The following PPP1R12B variants were observed in gnomAD, a reference collection of about 807,000 sequenced individuals.
PPP1R12B encodes myosin phosphatase target subunit 2.
Under a neutral mutation model 126.1 loss-of-function variants are expected in PPP1R12B, and 76 were observed. The observed-to-expected ratio is 0.60, with a 90% CI of 0.50 to 0.73. PPP1R12B has a LOEUF of 0.73. Among genes scored for constraint, PPP1R12B ranks in the 30% least tolerant of loss-of-function variants. The probability of loss-of-function intolerance (pLI) is 0.00; values close to 1 mark genes in which losing one functional copy is unlikely to be tolerated. For synonymous variants in PPP1R12B, 356 were observed against 434.7 expected, an observed-to-expected ratio of 0.82 and a Z score of 2.25; for missense variants, 1,052 against 1,205.1, an observed-to-expected ratio of 0.87 and a Z score of 1.88.
intron 6 of PPP1R12B, 72 bp from the exon 7 acceptor site, chr1:202,430,659 G>T (rs1670074085): frequency 5.2e-6 from 8 of 1,525,654 alleles, no homozygotes; most frequent in African/African-American, 1.4e-5. Flanking sequence ...GTACCATTTT[G>T]GTTCTCAATA....
intron 19 of PPP1R12B, among the ~76,000 whole-genome samples, chr1:202,559,197 A>G (rs1687275151): frequency 6.6e-6 from 1 of 152,216 alleles, no homozygotes; most frequent in Non-Finnish European, 1.5e-5. Context: ...TTAGGGAAAC[A>G]ACATGAATAA....
intron 1 of PPP1R12B, among the ~76,000 whole-genome samples, chr1:202,411,279 A>AG (rs1382088037): frequency 6.6e-6 from 1 of 151,840 alleles, no homozygotes; most frequent in Admixed American, 6.6e-5. Context: ...GCAAAAAAAA[A>AG]AAAAAAAAAG....
chr1:202,432,181 T>C (rs1341426488), intron 8 of PPP1R12B, among the ~76,000 whole-genome samples: 1 of 152,206 alleles, frequency 6.6e-6, no homozygotes, highest in Non-Finnish European at 1.5e-5. Context: ...AATCTTTTTT[T>C]TTCCCTCTCG....
intron 1 of PPP1R12B, among the ~76,000 whole-genome samples, chr1:202,415,972 T>A (rs550206341): frequency 1.3e-5 from 2 of 152,314 alleles, no homozygotes; most frequent in South Asian, 2.1e-4. Flanking sequence ...TGAATTTTTT[T>A]AATAATAGAG....
intron 1 of PPP1R12B, among the ~76,000 whole-genome samples, chr1:202,385,179 A>G (rs1212951300): frequency 6.6e-6 from 1 of 152,214 alleles, no homozygotes; most frequent in Non-Finnish European, 1.5e-5. Context: ...TCAGGGAAAG[A>G]TTGGGCAGAT....
chr1:202,540,315 G>A (rs1467342057), intron 18 of PPP1R12B: 1 of 1,275,496 alleles, frequency 7.8e-7, no homozygotes, highest in Non-Finnish European at 1.1e-6. Context: ...TATAACTTGG[G>A]GCATTAGGTT....
intron 1 of PPP1R12B, among the ~76,000 whole-genome samples, chr1:202,366,002 C>T (rs1659159478): frequency 6.6e-6 from 1 of 151,454 alleles, no homozygotes; most frequent in Admixed American, 6.6e-5. Context: ...CACTCCCGCC[C>T]CCCCACAAAA....
At position 202,590,672 on chromosome 1, in the gene PPP1R12B, A is replaced by G. The variant is rs1161431030; in HGVS notation, c.*10112A>G. 2 of 151,686 alleles carry G rather than the reference A, an allele frequency of 1.3e-5. No individual in the cohort carries two copies. Among genetic ancestry groups the G allele is most frequent in the East Asian group, 1.9e-4 (1 of 5,138 alleles). The allele number at this position is 151,686 out of a possible 1,614,324, so 9.4% of individuals were successfully genotyped here. ...CAATTTGACAAGAGATCAGACAAGA[A>G]CAAGAGTCCACATAAGGGAGATGGA... On this transcript the variant is annotated 3_prime_UTR_variant, in exon 24 of 24. Transcript: ENST00000608999.
At chr1:202,448,575 G>A (rs1384931779) in intron 12 of PPP1R12B, 1 of 168,014 alleles carries the variant, frequency 6.0e-6, no homozygotes, top group Non-Finnish European at 1.3e-5. Context: ...TTAAGGAACA[G>A]GTGGAGACTA....
Position 202,349,160 on chromosome 1 carries a change from C to T in PPP1R12B, c.291+18C>T. On this transcript the variant is annotated intron_variant, in intron 1 of 23. Transcript: ENST00000608999. ...TGCACCAGGTAACTCCTTTCTTGGT[C>T]TTAGAGGCGTCCAGTCTCCTACAGA... 6.2e-7 allele frequency: 1 copy of T among 1,612,834 alleles called. No individual in the cohort carries two copies. The highest frequency in any genetic ancestry group is 1.3e-5 in the African/African-American group (1 of 75,038).
chr1:202,512,947 T>TA (rs1681707716), intron 18 of PPP1R12B, among the ~76,000 whole-genome samples: 2 of 152,192 alleles, frequency 1.3e-5, no homozygotes, highest in African/African-American at 4.8e-5. Flanking sequence ...CATACTATGT[T>TA]GTATTTGCCA....
At position 202,416,930 on chromosome 1, in the gene PPP1R12B, CTG is replaced by C; in HGVS notation, c.422+22_422+23del. On this transcript the variant is annotated intron_variant, in intron 2 of 23. Coordinates refer to ENST00000608999, the MANE Select transcript of PPP1R12B (RefSeq NM_002481.4). ...TCAACATAGCAGAGTGAGTGAGTCT[CTG>C]TGTGTGTGGCTTTGTAGTATTTGTA... is the stretch of plus-strand genomic sequence containing the variant. The C allele has an allele frequency of 6.2e-7, 1 of 1,610,924 alleles. No homozygotes were observed. Among genetic ancestry groups the C allele is most frequent in the African/African-American group, 1.3e-5 (1 of 74,930 alleles).
At chr1:202,359,106 A>G (rs1317746493) in intron 1 of PPP1R12B, among the ~76,000 whole-genome samples, 2 of 152,116 alleles carry the variant, frequency 1.3e-5, no homozygotes, top group African/African-American at 4.8e-5. Flanking sequence ...CATCTCCAGT[A>G]TACTGGATTA....
chr1:202,560,686 C>G (rs568837076), intron 19 of PPP1R12B, among the ~76,000 whole-genome samples: 2 of 152,278 alleles, frequency 1.3e-5, no homozygotes, highest in East Asian at 3.9e-4. Context: ...TGACTTAAAA[C>G]GCCTTAACCG....
At chr1:202,540,447 A>G (rs1181117042) in intron 18 of PPP1R12B, among the ~76,000 whole-genome samples, 1 of 152,220 alleles carries the variant, frequency 6.6e-6, no homozygotes, top group African/African-American at 2.4e-5. Flanking sequence ...GTCTTAAGTA[A>G]AAGCAGACTT....
intron 10 of PPP1R12B, chr1:202,439,420 A>G: frequency 6.3e-6 from 8 of 1,262,666 alleles, no homozygotes; most frequent in Non-Finnish European, 8.0e-6. Context: ...ACCGCCCTGT[A>G]CTGGAAAATG....
At chr1:202,568,003 T>A (rs1688219456) in intron 22 of PPP1R12B, among the ~76,000 whole-genome samples, 172 bp downstream of exon 22, 1 of 152,186 alleles carries the variant, frequency 6.6e-6, no homozygotes, top group Non-Finnish European at 1.5e-5. Context: ...AGGCAGTAAT[T>A]TGATTGCTAG....
chr1:202,487,912 A>G (rs549484176), intron 13 of PPP1R12B, among the ~76,000 whole-genome samples: 1 of 152,274 alleles, frequency 6.6e-6, no homozygotes, highest in African/African-American at 2.4e-5. Flanking sequence ...AATACCTTTC[A>G]AGACTTCCAG....
chr1:202,530,602 C>T (rs964528512), intron 18 of PPP1R12B, among the ~76,000 whole-genome samples: 1 of 152,116 alleles, frequency 6.6e-6, no homozygotes, highest in Non-Finnish European at 1.5e-5. Flanking sequence ...ACTTAACATT[C>T]GTAACACTAG....
Sources: gnomAD v4.1 joint callset for allele counts (sites outside exome capture counted in the v4.1 genomes callset) on GRCh38, gnomAD v4.1.1 for gene constraint, MANE v1.5 for transcripts, NCBI Gene and HGNC (gene_info 2026-07-23, HGNC 2026-07-21) for gene names.